The following CNTNAP5 variants were observed in gnomAD, a reference collection of about 807,000 sequenced individuals.
CNTNAP5 encodes the protein contactin-associated protein-like 5.
A neutral mutation model predicts 150.2 loss-of-function variants in CNTNAP5; 72 were observed. That is an observed-to-expected ratio of 0.48 (90% CI 0.40 to 0.58). CNTNAP5 has a LOEUF of 0.58. Ranked by LOEUF, CNTNAP5 falls within the 20% of genes least tolerant of loss-of-function variation. CNTNAP5 has a pLI of 0.00. For synonymous variants in CNTNAP5, 672 were observed against 619.8 expected (o/e 1.08, Z -1.25); for missense variants, 1,636 against 1,626.2 (o/e 1.01, Z -0.10).
intron 1 of CNTNAP5, among the ~76,000 whole-genome samples, chr2:124,219,770 T>C (rs1163154223): frequency 2.0e-5 from 3 of 152,152 alleles, no homozygotes; most frequent in African/African-American, 7.2e-5. Flanking sequence ...ATGCAACAAA[T>C]ATGTGACTTT....
intron 12 of CNTNAP5, among the ~76,000 whole-genome samples, chr2:124,622,032 G>T (rs72972601): frequency 0.011 from 1,603 of 151,890 alleles, 23 homozygotes; most frequent in African/African-American, 0.036. Flanking sequence ...AACGTGTGCC[G>T]TGATGGTTTG....
chr2:124,326,347 C>T (rs569464579), intron 3 of CNTNAP5, among the ~76,000 whole-genome samples: 2 of 152,270 alleles, frequency 1.3e-5, no homozygotes, highest in East Asian at 3.9e-4. Flanking sequence ...CCAAGATCTT[C>T]TGGTGTGCAT....
At chr2:124,162,053 T>C (rs1684692847) in intron 1 of CNTNAP5, among the ~76,000 whole-genome samples, 3 of 152,192 alleles carry the variant, frequency 2.0e-5, no homozygotes, top group African/African-American at 2.4e-5. Flanking sequence ...CTCATTCAAC[T>C]TGAATCCTGT....
chr2:124,176,086 T>C (rs188389666), intron 1 of CNTNAP5, among the ~76,000 whole-genome samples: 2 of 152,346 alleles, frequency 1.3e-5, no homozygotes, highest in African/African-American at 4.8e-5. Context: ...CAAAGTTTGC[T>C]ATGTTCTTTG....
At chr2:124,385,161 G>A (rs1377247890) in intron 3 of CNTNAP5, among the ~76,000 whole-genome samples, 3 of 152,170 alleles carry the variant, frequency 2.0e-5, no homozygotes, top group African/African-American at 7.2e-5. Flanking sequence ...TGGTTTGTAT[G>A]TGGATGAGGA....
At chr2:124,678,061 C>T (rs1678984897) in intron 13 of CNTNAP5, among the ~76,000 whole-genome samples, 1 of 151,776 alleles carries the variant, frequency 6.6e-6, no homozygotes, top group South Asian at 2.1e-4. Flanking sequence ...TCTAGTTTTC[C>T]ACTGTTGTCT....
Position 124,639,939 on chromosome 2 carries a change from C to A in CNTNAP5, c.1877-7819C>A, listed in dbSNP as rs112026846. Among the ~76,000 whole-genome samples, 1,316 of 152,168 alleles carry A rather than the reference C, an allele frequency of 8.6e-3. 20 individuals are homozygous for A. The highest frequency in any genetic ancestry group is 0.029 in the African/African-American group (1,200 of 41,516). On this transcript the variant is annotated intron_variant, in intron 12 of 23. Coordinates refer to ENST00000682447, the MANE Select transcript of CNTNAP5 (RefSeq NM_001367498.1). The stretch of plus-strand genomic sequence containing the variant: ...GGTATCTTGTTCCCACCCACTCCCC[C>A]CTTTGCTGCTGCAGATACTCTTCCC...
chr2:124,208,748 G>C (rs1254803912), intron 1 of CNTNAP5, among the ~76,000 whole-genome samples: 2 of 152,164 alleles, frequency 1.3e-5, no homozygotes, highest in Non-Finnish European at 2.9e-5. Context: ...GGGAGTGGTA[G>C]CTACTGAAAA....
chr2:124,868,182 T>C (rs1464169556), intron 20 of CNTNAP5, among the ~76,000 whole-genome samples: 1 of 152,144 alleles, frequency 6.6e-6, no homozygotes, highest in African/African-American at 2.4e-5. Context: ...GCAGTCAGAG[T>C]GATCCTGGTG....
chr2:124,718,981 TAAG>T (rs1198951259), intron 13 of CNTNAP5, among the ~76,000 whole-genome samples: 3 of 150,632 alleles, frequency 2.0e-5, no homozygotes, highest in Non-Finnish European at 2.9e-5. Context: ...GACCAGTGCC[TAAG>T]TGAATGCCAT....
At position 124,883,903 on chromosome 2, in the gene CNTNAP5, C is replaced by T. The variant is rs1294960088; in HGVS notation, c.3436+14141C>T. Among the ~76,000 whole-genome samples, 2 of 152,014 alleles carry T rather than the reference C, an allele frequency of 1.3e-5. 1 individual carries two copies. Among genetic ancestry groups the T allele is most frequent in the African/African-American group, 4.8e-5 (2 of 41,374 alleles). On this transcript the variant is annotated intron_variant, in intron 21 of 23. Transcript: ENST00000682447. ...ACATATGTCTGTGTGTGTACAGGCA[C>T]ATGTATATGTGTGTGTGTAAATGTA... is the stretch of plus-strand genomic sequence containing the variant.
chr2:124,643,704 G>A (rs1382448719), intron 12 of CNTNAP5, among the ~76,000 whole-genome samples: 1 of 152,142 alleles, frequency 6.6e-6, no homozygotes, highest in Non-Finnish European at 1.5e-5. Context: ...CAGTCTATGT[G>A]CACCAAATCA....
rs1198451222 is a variant in CNTNAP5 at position 124,510,514 on chromosome 2, T to TACAC, written c.1327+5959_1327+5960insCACA. 6.1e-4 allele frequency among the ~76,000 whole-genome samples: 76 copies of TACAC among 123,682 alleles called. 1 individual carries two copies. Among genetic ancestry groups the TACAC allele is most frequent in the African/African-American group, 2.4e-3 (73 of 30,148 alleles). 81.1% of individuals were successfully genotyped at this position (123,682 alleles called of 152,430 possible). A position where few individuals can be genotyped will look rare whatever the true frequency, so the allele number is the denominator to read the frequency against. The stretch of plus-strand genomic sequence containing the variant: ...ATATATATATATATATATATATATA[T>TACAC]ATATACATATATCTCCATATATCAA... On this transcript the variant is annotated intron_variant, in intron 8 of 23. Coordinates refer to ENST00000682447, the MANE Select transcript of CNTNAP5 (RefSeq NM_001367498.1).
chr2:124,774,792 C>A (rs576588233), intron 17 of CNTNAP5, among the ~76,000 whole-genome samples: 89 of 152,090 alleles, frequency 5.9e-4, no homozygotes, highest in Non-Finnish European at 1.1e-3. Context: ...TAATTTTTTA[C>A]CCTTTCATGC....
intron 3 of CNTNAP5, among the ~76,000 whole-genome samples, chr2:124,309,122 A>G (rs1005490861): frequency 3.9e-5 from 6 of 152,330 alleles, no homozygotes; most frequent in African/African-American, 1.4e-4. Flanking sequence ...AACAATAATA[A>G]CTAATAATAA....
intron 1 of CNTNAP5, among the ~76,000 whole-genome samples, chr2:124,103,280 C>T (rs1417354812): frequency 6.6e-6 from 1 of 152,020 alleles, no homozygotes; most frequent in Admixed American, 6.6e-5. Context: ...AAATTAAAAA[C>T]TGTGTAAAGT....
chr2:124,112,826 T>A (rs1407057237), intron 1 of CNTNAP5, among the ~76,000 whole-genome samples: 1 of 152,194 alleles, frequency 6.6e-6, no homozygotes, highest in African/African-American at 2.4e-5. Context: ...ACAGAATGTA[T>A]CATTTTGTGT....
At chr2:124,542,027 G>T (rs962466241) in intron 10 of CNTNAP5, among the ~76,000 whole-genome samples, 2 of 151,862 alleles carry the variant, frequency 1.3e-5, no homozygotes, top group East Asian at 1.9e-4. Context: ...TATTCCTTTA[G>T]ACAGGGTTTG....
chr2:124,289,772 G>A (rs1558835875), intron 3 of CNTNAP5, among the ~76,000 whole-genome samples: 1 of 152,108 alleles, frequency 6.6e-6, no homozygotes, highest in South Asian at 2.1e-4. Flanking sequence ...TTTGAACCAG[G>A]TATCCTTCCT....
Sources: allele counts gnomAD v4.1 joint callset (sites outside exome capture counted in the v4.1 genomes callset), GRCh38; gene constraint gnomAD v4.1.1; transcripts MANE v1.5; gene names NCBI Gene and HGNC (gene_info 2026-07-23, HGNC 2026-07-21).